Variants in CLIP1 observed in about 807,000 individuals in gnomAD.
CLIP1 encodes CAP-Gly domain-containing linker protein 1.
In CLIP1, 66 loss-of-function variants were observed where a neutral mutation model predicts 161.6. The observed-to-expected ratio is 0.41, with a 90% CI of 0.33 to 0.50. CLIP1 has a LOEUF of 0.50. Among genes scored for constraint, CLIP1 ranks in the 20% least tolerant of loss-of-function variants. The pLI, the probability that CLIP1 is intolerant of heterozygous loss-of-function variation, is 0.27. For synonymous variants in CLIP1, 598 were observed against 626.2 expected, an observed-to-expected ratio of 0.96 and a Z score of 0.67; for missense variants, 1,376 against 1,702.0, an observed-to-expected ratio of 0.81 and a Z score of 3.37.
intron 7 of CLIP1, among the ~76,000 whole-genome samples, chr12:122,353,180 C>T (rs1953133660): frequency 6.6e-6 from 1 of 151,906 alleles, no homozygotes; most frequent in African/African-American, 2.4e-5. Flanking sequence ...CTCATCTCCA[C>T]CAAAAAATTA....
At chr12:122,364,772 A>G (rs1954042834) in intron 3 of CLIP1, 2 of 879,118 alleles carry the variant, frequency 2.3e-6, no homozygotes, top group Non-Finnish European at 3.6e-6. Context: ...TCTTCCAGTA[A>G]TTCGCCAAAA....
At chr12:122,320,219 A>AT (rs1187444123) in intron 17 of CLIP1, among the ~76,000 whole-genome samples, 1 of 147,916 alleles carries the variant, frequency 6.8e-6, no homozygotes, top group Non-Finnish European at 1.5e-5. Context: ...GTGAGCTGAG[A>AT]TTGCGCCACT....
chr12:122,397,681 C>T (rs977126831), intron 1 of CLIP1, among the ~76,000 whole-genome samples: 7 of 151,140 alleles, frequency 4.6e-5, no homozygotes, highest in Admixed American at 2.0e-4. Context: ...TTATCGGCCA[C>T]GCATGGTGGC....
intron 1 of CLIP1, among the ~76,000 whole-genome samples, chr12:122,391,574 G>A (rs1037034336): frequency 1.3e-5 from 2 of 152,188 alleles, no homozygotes; most frequent in African/African-American, 2.4e-5. Context: ...GCACAGAAGC[G>A]AGACTTCGTC....
At chr12:122,332,193 G>A (rs1952004589) in intron 15 of CLIP1, among the ~76,000 whole-genome samples, 1 of 151,236 alleles carries the variant, frequency 6.6e-6, no homozygotes. Context: ...TACTCGGGAG[G>A]CTGAAGCAGG....
rs1296843962 is a variant in CLIP1, at chr12:122,323,522, C to A, written c.3250-4174G>T. ...CAGCTCTGCCTTCCTCAGGGCCTTG[C>A]TGGCATCATCCAGCTGTGCGCGGAG... is the stretch of plus-strand genomic sequence containing the variant. On this transcript the variant is annotated intron_variant, in intron 17 of 25. Coordinates refer to ENST00000620786, the MANE Select transcript of CLIP1 (RefSeq NM_001247997.2). This position sits in a 1 kb window ranked among gnomAD's most constrained non-coding sequence, Gnocchi z 4.1. 2 of 152,668 alleles carry A rather than the reference C, an allele frequency of 1.3e-5. No homozygotes were observed. The highest frequency in any genetic ancestry group is 2.9e-5 in the Non-Finnish European group (2 of 68,064). The allele number at this position is 152,668 out of a possible 1,614,324, so 9.5% of individuals were successfully genotyped here. A position where few individuals can be genotyped will look rare whatever the true frequency, so the allele number is the denominator to read the frequency against.
chr12:122,346,138 T>A (rs1286696224), intron 10 of CLIP1, among the ~76,000 whole-genome samples: 1 of 152,204 alleles, frequency 6.6e-6, no homozygotes, highest in Non-Finnish European at 1.5e-5. Context: ...GACTCCATCC[T>A]GTGGTGCTTA....
intron 1 of CLIP1, among the ~76,000 whole-genome samples, chr12:122,381,528 C>T (rs1955013659): frequency 6.6e-6 from 1 of 152,146 alleles, no homozygotes; most frequent in African/African-American, 2.4e-5. Flanking sequence ...TTGAAATTAC[C>T]TTGGGGTTTT....
At chr12:122,352,902 C>A (rs758297641) in intron 7 of CLIP1, 116 bp from the exon 8 acceptor site, 2 of 838,904 alleles carry the variant, frequency 2.4e-6, no homozygotes, top group South Asian at 1.4e-5. Flanking sequence ...TCCTATAATC[C>A]CAGCAATTTG....
intron 5 of CLIP1, among the ~76,000 whole-genome samples, chr12:122,357,568 GC>G (rs371070482): frequency 0.78 from 101,494 of 129,536 alleles, 40,098 homozygotes; most frequent in African/African-American, 0.86. Flanking sequence ...GGGGGGGTCA[GC>G]CCCCCCCGCC....
intron 21 of CLIP1, among the ~76,000 whole-genome samples, chr12:122,283,822 T>C (rs770945045): frequency 5.3e-5 from 8 of 152,168 alleles, no homozygotes; most frequent in Middle Eastern, 3.2e-3. Context: ...TCATGACTAT[T>C]TGGCCATAGT....
At chr12:122,335,951 T>C (rs1007194387) in intron 12 of CLIP1, among the ~76,000 whole-genome samples, 3 of 152,180 alleles carry the variant, frequency 2.0e-5, no homozygotes, top group Non-Finnish European at 4.4e-5. Context: ...TCCATAAGCC[T>C]CTGGCTTTTC....
At chr12:122,314,468 G>GAAAA (rs1288356220) in intron 19 of CLIP1, among the ~76,000 whole-genome samples, 3 of 152,056 alleles carry the variant, frequency 2.0e-5, no homozygotes, top group African/African-American at 7.2e-5. Flanking sequence ...CTCTGTCTCA[G>GAAAA]AAACAAACAA....
intron 1 of CLIP1, among the ~76,000 whole-genome samples, chr12:122,412,374 GC>G (rs1956572499): frequency 6.8e-6 from 1 of 147,922 alleles, no homozygotes; most frequent in Non-Finnish European, 1.5e-5. Context: ...GAAGACTGAG[GC>G]CAGGCGTGGT....
rs75262817 is a variant in CLIP1 at position 122,298,228 on chromosome 12, C to G, written c.3595-9687G>C. On this transcript the variant is annotated intron_variant, in intron 20 of 25. Transcript: ENST00000620786. Reference sequence around the variant, plus strand: ...GCAACAGTACGCATTATGCTACCAACTAAAGTTCTGTATTATGCAGGAAAG... The same window carrying G: ...GCAACAGTACGCATTATGCTACCAAGTAAAGTTCTGTATTATGCAGGAAAG... 2.5e-3 allele frequency among the ~76,000 whole-genome samples: 385 copies of G among 152,332 alleles called. 6 individuals are homozygous for G. The highest frequency in any genetic ancestry group is 9.0e-3 in the African/African-American group (375 of 41,586).
chr12:122,360,362 C>G (rs948165580), intron 5 of CLIP1, among the ~76,000 whole-genome samples: 15 of 149,912 alleles, frequency 1.0e-4, no homozygotes, highest in African/African-American at 3.5e-4. Context: ...TCGCTTGAGC[C>G]TAAGAATTCG....
At chr12:122,281,070 T>C (rs555069901) in intron 21 of CLIP1, among the ~76,000 whole-genome samples, 1 of 152,394 alleles carries the variant, frequency 6.6e-6, no homozygotes, top group East Asian at 1.9e-4. Flanking sequence ...AGAAATCTCA[T>C]GACTTATGGC....
chr12:122,297,760 G>A (rs1950528370), intron 20 of CLIP1, among the ~76,000 whole-genome samples: 1 of 152,180 alleles, frequency 6.6e-6, no homozygotes, highest in Admixed American at 6.5e-5. Context: ...GCATGGCAAA[G>A]CCCTTTCAGA....
chr12:122,386,576 A>G (rs985197571), intron 1 of CLIP1, among the ~76,000 whole-genome samples: 1 of 152,224 alleles, frequency 6.6e-6, no homozygotes, highest in African/African-American at 2.4e-5. Context: ...TAGATTTTCA[A>G]CAGTGACCAA....
Sources: gnomAD v4.1 joint callset for allele counts (sites outside exome capture counted in the v4.1 genomes callset) on GRCh38, gnomAD v4.1.1 for gene constraint, Gnocchi (gnomAD v3.1) non-coding constraint, MANE v1.5 for transcripts, NCBI Gene and HGNC (gene_info 2026-07-23, HGNC 2026-07-21) for gene names.